SLC23A2: variants seen among roughly 807,000 people sequenced by gnomAD.
SLC23A2 encodes the protein solute carrier family 23 member 2, also known as Na(+)/L-ascorbic acid transporter 2.
SLC23A2 carries 36 observed loss-of-function variants against 73.3 expected under a neutral mutation model. The observed-to-expected ratio is 0.49, with a 90% CI of 0.38 to 0.65. The LOEUF (loss-of-function observed/expected upper bound fraction) is 0.65, where lower values mean the gene tolerates loss of function less well. SLC23A2 is among the 30% of genes least tolerant of loss of function. The probability of loss-of-function intolerance (pLI) is 0.00; values close to 1 mark genes in which losing one functional copy is unlikely to be tolerated. For missense variants in SLC23A2, 507 were observed against 841.6 expected (o/e 0.60, Z 4.92); for synonymous variants, 343 against 327.3 (o/e 1.05, Z -0.52).
chr20:4,888,664 T>G (rs1331644807), intron 6 of SLC23A2, among the ~76,000 whole-genome samples: 1 of 152,188 alleles, frequency 6.6e-6, no homozygotes, highest in East Asian at 1.9e-4. Flanking sequence ...CAGCCTGGTA[T>G]CTCTCACCAG....
intron 1 of SLC23A2, among the ~76,000 whole-genome samples, chr20:4,997,228 C>T (rs1303329224): frequency 2.0e-5 from 3 of 152,124 alleles, no homozygotes; most frequent in South Asian, 4.1e-4. Flanking sequence ...AGTCCACCTC[C>T]CTTCTTTACT....
At chr20:4,991,728 A>T (rs962134575) in intron 1 of SLC23A2, among the ~76,000 whole-genome samples, 13 of 134,214 alleles carry the variant, frequency 9.7e-5, no homozygotes, top group Non-Finnish European at 1.6e-4. Context: ...TTTCACACAC[A>T]CACACACACA....
At chr20:4,866,416 G>C (rs1403715864) in intron 13 of SLC23A2, among the ~76,000 whole-genome samples, 1 of 152,232 alleles carries the variant, frequency 6.6e-6, no homozygotes, top group African/African-American at 2.4e-5. Context: ...ACTGGCTGAA[G>C]AGTGGCATGG....
At chr20:4,874,504 T>A in intron 10 of SLC23A2, 72 bp downstream of exon 10, 1 of 1,453,986 alleles carries the variant, frequency 6.9e-7, no homozygotes, top group Non-Finnish European at 9.3e-7. Context: ...CTTAAAACCC[T>A]CCCTTCACTT....
chr20:4,919,121 G>A (rs775633316), intron 3 of SLC23A2, among the ~76,000 whole-genome samples: 10 of 152,184 alleles, frequency 6.6e-5, no homozygotes, highest in Non-Finnish European at 1.3e-4. Context: ...AAATTCAAGT[G>A]AGTACAGTAC....
At chr20:4,904,768 T>C (rs1388629070) in intron 4 of SLC23A2, among the ~76,000 whole-genome samples, 1 of 152,222 alleles carries the variant, frequency 6.6e-6, no homozygotes, top group African/African-American at 2.4e-5. Flanking sequence ...TATACAGTAA[T>C]GTAAGCAACA....
At position 4,970,868 on chromosome 20, in the gene SLC23A2, G is replaced by T. The variant is rs2087550077; in HGVS notation, c.-230C>A. On this transcript the variant is annotated 5_prime_UTR_variant, in exon 2 of 17. Coordinates refer to ENST00000338244, the MANE Select transcript of SLC23A2 (RefSeq NM_005116.6). ...GAGTTACATTTGCTTATGCACCAAG[G>T]TCCAAGTTCAAAGCCGTATGAGAAG... 1 of 152,210 alleles carries T rather than the reference G, an allele frequency of 6.6e-6. No individual in the cohort carries two copies. The highest frequency in any genetic ancestry group is 2.4e-5 in the African/African-American group (1 of 41,454). The allele number at this position is 152,210 out of a possible 1,614,324, so 9.4% of individuals were successfully genotyped here.
rs78092048 is a variant in SLC23A2 at position 4,873,046 on chromosome 20, C to T, written c.1102+890G>A. 1.2e-4 allele frequency among the ~76,000 whole-genome samples: 18 copies of T among 152,334 alleles called. No homozygotes were observed. In the East Asian group the frequency reaches 1.7e-3, roughly 15 times the overall value. ...CTGGGGTTACAGGCATGTCCCGCCG[C>T]GCCCGGCCTGAAAGACGAAACTTTT... On this transcript the variant is annotated intron_variant, in intron 11 of 16. Coordinates refer to ENST00000338244, the MANE Select transcript of SLC23A2 (RefSeq NM_005116.6).
At chr20:4,914,436 G>A (rs1339083607) in intron 3 of SLC23A2, among the ~76,000 whole-genome samples, 1 of 151,786 alleles carries the variant, frequency 6.6e-6, no homozygotes, top group Non-Finnish European at 1.5e-5. Context: ...TTAAAAAACT[G>A]AACCAGGTAT....
At chr20:4,909,125 C>A (rs1360414508) in intron 4 of SLC23A2, among the ~76,000 whole-genome samples, 3 of 152,016 alleles carry the variant, frequency 2.0e-5, no homozygotes, top group Non-Finnish European at 4.4e-5. Flanking sequence ...TTTGTGTGTA[C>A]CTATGTGGAA....
intron 12 of SLC23A2, 118 bp from the exon 13 acceptor site, chr20:4,867,993 TC>T: frequency 3.4e-6 from 2 of 589,366 alleles, no homozygotes; most frequent in Non-Finnish European, 5.9e-6. Flanking sequence ...AGCTTCCACA[TC>T]TCCTGGGAGC....
intron 3 of SLC23A2, among the ~76,000 whole-genome samples, chr20:4,919,185 G>C (rs1317241140): frequency 6.6e-6 from 1 of 152,192 alleles, no homozygotes; most frequent in East Asian, 1.9e-4. Flanking sequence ...ATCTCAAAAA[G>C]ATGCAGCAGC....
intron 2 of SLC23A2, among the ~76,000 whole-genome samples, chr20:4,969,892 G>A (rs1194187914): frequency 6.6e-6 from 1 of 152,092 alleles, no homozygotes; most frequent in Non-Finnish European, 1.5e-5. Context: ...TCCCCAAGAA[G>A]AAATTTGATT....
chr20:4,976,346 T>C (rs780468557), intron 1 of SLC23A2, among the ~76,000 whole-genome samples: 5 of 152,120 alleles, frequency 3.3e-5, no homozygotes, highest in Non-Finnish European at 7.4e-5. Context: ...CATACTAGTA[T>C]CTTTTTGCAA....
At chr20:4,961,103 C>T (rs1467099705) in intron 2 of SLC23A2, among the ~76,000 whole-genome samples, 53 of 140,768 alleles carry the variant, frequency 3.8e-4, no homozygotes, top group Middle Eastern at 3.6e-3. Context: ...TTTTTTTTTT[C>T]TTTTTCTTTT....
upstream of SLC23A2, chr20:5,001,556 C>T (rs1235783259): frequency 6.6e-6 from 1 of 150,722 alleles, no homozygotes; most frequent in Non-Finnish European, 1.5e-5. Context: ...GAGCCGCCCG[C>T]CCCCGCGCCG....
intron 1 of SLC23A2, among the ~76,000 whole-genome samples, chr20:4,988,930 G>A (rs2087877704): frequency 6.6e-6 from 1 of 151,458 alleles, no homozygotes; most frequent in Admixed American, 6.6e-5. Context: ...AAGGGAAAGG[G>A]AAAAGGAAAA....
chr20:4,988,243 A>T (rs2087863098), intron 1 of SLC23A2, among the ~76,000 whole-genome samples: 2 of 151,904 alleles, frequency 1.3e-5, no homozygotes, highest in South Asian at 4.2e-4. Flanking sequence ...CGGAGGTTGC[A>T]GTGAGCCAAG....
rs906535581 is a variant in SLC23A2 at position 4,853,829 on chromosome 20, T to C, written c.*3143A>G. 6.6e-6 allele frequency: 1 copy of C among 152,246 alleles called. No homozygotes were observed. The highest frequency in any genetic ancestry group is 1.5e-5 in the Non-Finnish European group (1 of 68,034). 9.4% of individuals were successfully genotyped at this position (152,246 alleles called of 1,614,324 possible). ...ATCCCAAGAAACTAAAAGTTAGCATTTGAAATCCTCTTGAGGATTCTGAAA... is the reference window on the plus strand; with the variant it reads ...ATCCCAAGAAACTAAAAGTTAGCATCTGAAATCCTCTTGAGGATTCTGAAA... On this transcript the variant is annotated 3_prime_UTR_variant, in exon 17 of 17. Coordinates refer to ENST00000338244, the MANE Select transcript of SLC23A2 (RefSeq NM_005116.6).
Sources: allele counts gnomAD v4.1 joint callset (sites outside exome capture counted in the v4.1 genomes callset), GRCh38; gene constraint gnomAD v4.1.1; transcripts MANE v1.5; gene names NCBI Gene and HGNC (gene_info 2026-07-23, HGNC 2026-07-21).